Variants in SPATA17 observed in about 807,000 individuals in gnomAD.
SPATA17 encodes the protein spermatogenesis-associated protein 17.
In SPATA17, 53 loss-of-function variants were observed where a neutral mutation model predicts 62.2. The observed-to-expected ratio is 0.85, with a 90% confidence interval of 0.68 to 1.07. The LOEUF is 1.07. SPATA17 is among the 50% of genes least tolerant of loss of function. SPATA17 has a pLI of 0.00. For synonymous variants in SPATA17, 146 were observed against 146.8 expected (o/e 0.99, Z 0.04); for missense variants, 466 against 425.5 (o/e 1.10, Z -0.84).
intron 4 of SPATA17, 112 bp from the exon 5 acceptor site, chr1:217,683,146 A>C (rs548519548): frequency 1.6e-6 from 1 of 632,340 alleles, no homozygotes; most frequent in South Asian, 2.7e-5. Context: ...GAAAAGCCCA[A>C]GACTTTATTT....
intron 9 of SPATA17, among the ~76,000 whole-genome samples, chr1:217,835,945 C>T (rs1571835544): frequency 1.3e-5 from 2 of 152,194 alleles, no homozygotes; most frequent in South Asian, 4.2e-4. Flanking sequence ...GTTTCCCCAC[C>T]CAGAGCGATT....
chr1:217,833,526 A>G (rs1675194867), intron 9 of SPATA17, among the ~76,000 whole-genome samples: 1 of 152,190 alleles, frequency 6.6e-6, no homozygotes, highest in African/African-American at 2.4e-5. Context: ...TCACTAGTAT[A>G]AGTCAAGTCA....
At chr1:217,666,275 T>C (rs1378796582) in intron 3 of SPATA17, among the ~76,000 whole-genome samples, 1 of 152,152 alleles carries the variant, frequency 6.6e-6, no homozygotes, top group East Asian at 1.9e-4. Flanking sequence ...CAATATGCTT[T>C]CCTCACCCAA....
chr1:217,739,425 A>G (rs1360031111), intron 5 of SPATA17: 3 of 152,060 alleles, frequency 2.0e-5, no homozygotes. Context: ...GTGTTTCTGT[A>G]TTTGCAAAAT....
At chr1:217,858,411 A>T (rs942743994) in intron 9 of SPATA17, among the ~76,000 whole-genome samples, 2 of 152,198 alleles carry the variant, frequency 1.3e-5, no homozygotes, top group Non-Finnish European at 2.9e-5. Context: ...TGTCTTGTTT[A>T]ATCACAATCC....
intron 1 of SPATA17, among the ~76,000 whole-genome samples, chr1:217,634,395 A>C (rs1217742947): frequency 1.3e-5 from 2 of 151,998 alleles, no homozygotes; most frequent in Non-Finnish European, 2.9e-5. Flanking sequence ...CAGAGATGAA[A>C]TCATAGAGGG....
chr1:217,657,450 T>C (rs924423822), intron 3 of SPATA17, among the ~76,000 whole-genome samples: 1 of 152,144 alleles, frequency 6.6e-6, no homozygotes, highest in Admixed American at 6.5e-5. Flanking sequence ...CACATGTAAA[T>C]CTTCTGAAGC....
intron 6 of SPATA17, among the ~76,000 whole-genome samples, chr1:217,749,475 T>G (rs1478914698): frequency 6.6e-6 from 1 of 152,110 alleles, no homozygotes. Context: ...TTTTTCTATT[T>G]TCCAAATCAG....
At chr1:217,657,053 A>T (rs1670460940) in intron 3 of SPATA17, among the ~76,000 whole-genome samples, 1 of 152,140 alleles carries the variant, frequency 6.6e-6, no homozygotes, top group Admixed American at 6.5e-5. Flanking sequence ...CATTCAAAAG[A>T]TGTCCATTGT....
At chr1:217,689,881 T>C (rs1057238158) in intron 5 of SPATA17, among the ~76,000 whole-genome samples, 9 of 151,978 alleles carry the variant, frequency 5.9e-5, no homozygotes, top group African/African-American at 1.7e-4. Flanking sequence ...TGTTGTGAGC[T>C]TCATTTCACT....
intron 6 of SPATA17, among the ~76,000 whole-genome samples, chr1:217,772,346 G>T (rs1451178508): frequency 6.6e-6 from 1 of 151,976 alleles, no homozygotes; most frequent in African/African-American, 2.4e-5. Flanking sequence ...TGTATCAATT[G>T]TAATAGAGAA....
chr1:217,850,134 C>A (rs1675613922), intron 9 of SPATA17, among the ~76,000 whole-genome samples: 1 of 152,102 alleles, frequency 6.6e-6, no homozygotes, highest in Non-Finnish European at 1.5e-5. Context: ...AGAAATTCAC[C>A]ACTATCCTAA....
At chr1:217,766,190 T>C (rs1673295506) in intron 6 of SPATA17, among the ~76,000 whole-genome samples, 1 of 152,080 alleles carries the variant, frequency 6.6e-6, no homozygotes, top group Non-Finnish European at 1.5e-5. Flanking sequence ...CAGATATTAG[T>C]TGAATTAATA....
At chr1:217,726,187 G>A (rs1371385455) in intron 5 of SPATA17, among the ~76,000 whole-genome samples, 1 of 152,110 alleles carries the variant, frequency 6.6e-6, no homozygotes, top group East Asian at 1.9e-4. Context: ...GGAGAAATGG[G>A]CAGCTGTGCT....
chr1:217,845,648 TA>T (rs922307082), intron 9 of SPATA17, among the ~76,000 whole-genome samples: 1 of 152,002 alleles, frequency 6.6e-6, no homozygotes, highest in African/African-American at 2.4e-5. Flanking sequence ...AAATTTCTCT[TA>T]AAAAAATGTG....
intron 9 of SPATA17, among the ~76,000 whole-genome samples, chr1:217,816,278 C>G (rs1274434973): frequency 6.6e-6 from 1 of 151,824 alleles, no homozygotes; most frequent in Admixed American, 6.6e-5. Context: ...CAGTTATTGG[C>G]TAAGCATATT....
chr1:217,782,981 C>T (rs1673767747), intron 8 of SPATA17, among the ~76,000 whole-genome samples: 1 of 151,162 alleles, frequency 6.6e-6, no homozygotes, highest in Admixed American at 6.6e-5. Context: ...TGTCATTATT[C>T]TGTAATGTCT....
intron 2 of SPATA17, among the ~76,000 whole-genome samples, chr1:217,650,862 A>G (rs1670296783): frequency 6.6e-6 from 1 of 152,252 alleles, no homozygotes; most frequent in Non-Finnish European, 1.5e-5. Context: ...AAGAATTGAA[A>G]TTAAGTATTG....
At chr1:217,804,301 G>A (rs902259092) in intron 9 of SPATA17, among the ~76,000 whole-genome samples, 6 of 152,108 alleles carry the variant, frequency 3.9e-5, no homozygotes, top group African/African-American at 1.4e-4. Flanking sequence ...ACACACAGTG[G>A]GGACAGGATG....
Sources: allele counts gnomAD v4.1 joint callset (sites outside exome capture counted in the v4.1 genomes callset), GRCh38; gene constraint gnomAD v4.1.1; transcripts MANE v1.5; gene names NCBI Gene and HGNC (gene_info 2026-07-23, HGNC 2026-07-21).